PDE1C: variants seen among roughly 807,000 people sequenced by gnomAD.
PDE1C encodes the protein phosphodiesterase 1C.
A neutral mutation model predicts 93.1 loss-of-function variants in PDE1C; 62 were observed. The observed-to-expected ratio is 0.67, with a 90% CI of 0.54 to 0.82. The LOEUF is 0.82. PDE1C is among the 40% of genes least tolerant of loss of function. The pLI, the probability that PDE1C is intolerant of heterozygous loss-of-function variation, is 0.00. For missense variants in PDE1C, 742 were observed against 884.6 expected, an observed-to-expected ratio of 0.84 and a Z score of 2.04; for synonymous variants, 325 against 310.1, an observed-to-expected ratio of 1.05 and a Z score of -0.50.
At chr7:31,618,623 C>T in the PDE1C span, among the ~76,000 whole-genome samples, 1 of 152,116 alleles carries the variant, frequency 6.6e-6, no homozygotes, top group Non-Finnish European at 1.5e-5. Context: ...CATAAACTCC[C>T]CTCCATTAAT....
chr7:32,178,385 G>A (rs1803150546), intron 2 of PDE1C, among the ~76,000 whole-genome samples: 2 of 152,152 alleles, frequency 1.3e-5, no homozygotes, highest in South Asian at 4.1e-4. Flanking sequence ...CTCTCCAGGG[G>A]CACTGGAAAG....
At chr7:32,118,325 A>G (rs916247494) in intron 3 of PDE1C, among the ~76,000 whole-genome samples, 1 of 152,150 alleles carries the variant, frequency 6.6e-6, no homozygotes, top group African/African-American at 2.4e-5. Context: ...CTCTTTCTTT[A>G]CTGTTCAAGA....
Position 32,332,725 on chromosome 7 carries a change from C to T in PDE1C, c.310+95097G>A, listed in dbSNP as rs189218689. Reference sequence around the variant, plus strand: ...GAAATGAAAGTGAATAAACAAAATGCACTAGACAATAACATGGATGAATCT... The same window carrying T: ...GAAATGAAAGTGAATAAACAAAATGTACTAGACAATAACATGGATGAATCT... On this transcript the variant is annotated intron_variant, in intron 1 of 1. Transcript: ENST00000672256. 2.6e-5 allele frequency among the ~76,000 whole-genome samples: 4 copies of T among 152,210 alleles called. No homozygotes were observed. The East Asian group carries it at 7.7e-4, about 29-fold the overall frequency.
chr7:32,314,714 A>G (rs373759732), intron 1 of PDE1C, among the ~76,000 whole-genome samples: 8 of 152,094 alleles, frequency 5.3e-5, no homozygotes, highest in African/African-American at 1.9e-4. Context: ...TCTCAGTGGC[A>G]TCCTTGGCAA....
At chr7:32,247,818 A>T (rs1347414446) in intron 1 of PDE1C, among the ~76,000 whole-genome samples, 1 of 152,156 alleles carries the variant, frequency 6.6e-6, no homozygotes, top group East Asian at 1.9e-4. Context: ...GATATATTAA[A>T]TGCATTTTCA....
intron 2 of PDE1C, among the ~76,000 whole-genome samples, chr7:32,185,142 T>C (rs930109060): frequency 7.0e-6 from 1 of 142,576 alleles, no homozygotes; most frequent in Admixed American, 7.2e-5. Context: ...AAAAACAACT[T>C]CTTAATGCAG....
intron 2 of PDE1C, among the ~76,000 whole-genome samples, chr7:31,884,241 A>C (rs1408719083): frequency 6.6e-6 from 1 of 152,182 alleles, no homozygotes; most frequent in Non-Finnish European, 1.5e-5. Context: ...GCAGCAATAA[A>C]GACAGAAGAA....
At chr7:31,928,362 G>C (rs1195963598) in intron 2 of PDE1C, among the ~76,000 whole-genome samples, 1 of 152,138 alleles carries the variant, frequency 6.6e-6, no homozygotes, top group Non-Finnish European at 1.5e-5. Flanking sequence ...ACACACTTTA[G>C]GATGTTATCC....
At chr7:32,036,178 C>T (rs1016562555) in intron 2 of PDE1C, among the ~76,000 whole-genome samples, 4 of 152,118 alleles carry the variant, frequency 2.6e-5, no homozygotes, top group South Asian at 2.1e-4. Context: ...GAACCACATA[C>T]GCAAGAAACA....
At chr7:31,737,609 C>T in the PDE1C span, among the ~76,000 whole-genome samples, 1 of 151,976 alleles carries the variant, frequency 6.6e-6, no homozygotes, top group African/African-American at 2.4e-5. Flanking sequence ...CGAGACCAGC[C>T]TGGCAAACAT....
chr7:31,813,881 C>T (rs933004177), intron 15 of PDE1C, among the ~76,000 whole-genome samples: 2 of 152,084 alleles, frequency 1.3e-5, no homozygotes. Context: ...TAGCTTAGTT[C>T]CCACTTATGT....
At chr7:31,651,291 A>G in the PDE1C span, 2 of 1,609,790 alleles carry the variant, frequency 1.2e-6, no homozygotes, top group Non-Finnish European at 1.7e-6. Flanking sequence ...AGGGAGCCAT[A>G]AAAGTAAGTA....
At chr7:31,688,775 A>C in the PDE1C span, among the ~76,000 whole-genome samples, 1 of 152,232 alleles carries the variant, frequency 6.6e-6, no homozygotes, top group African/African-American at 2.4e-5. Context: ...ATCCTTTCTC[A>C]AACCCTGAAA....
chr7:31,857,064 T>C (rs1794114140), intron 7 of PDE1C, among the ~76,000 whole-genome samples: 1 of 152,140 alleles, frequency 6.6e-6, no homozygotes, highest in African/African-American at 2.4e-5. Flanking sequence ...CCATACAACT[T>C]TATTTTACCT....
chr7:32,327,888 C>T (rs1281172739), intron 1 of PDE1C, among the ~76,000 whole-genome samples: 5 of 151,634 alleles, frequency 3.3e-5, no homozygotes, highest in Non-Finnish European at 7.4e-5. Context: ...GACATAGTTC[C>T]GTTTTTCTCT....
At chr7:31,695,526 G>A in the PDE1C span, 40 of 1,613,318 alleles carry the variant, frequency 2.5e-5, no homozygotes, top group Admixed American at 6.3e-4. Flanking sequence ...CCTAGAAAGG[G>A]AAAAAATGTA....
intron 17 of PDE1C, among the ~76,000 whole-genome samples, chr7:31,773,716 G>A (rs1460823480): frequency 6.6e-6 from 1 of 152,042 alleles, no homozygotes; most frequent in Non-Finnish European, 1.5e-5. Context: ...AACTAAATGG[G>A]AGGCTGCTCA....
At chr7:32,338,341 G>A (rs1048267985) in intron 1 of PDE1C, among the ~76,000 whole-genome samples, 2 of 152,028 alleles carry the variant, frequency 1.3e-5, no homozygotes, top group Non-Finnish European at 2.9e-5. Context: ...AAATATACAA[G>A]ATATACAAAT....
At chr7:31,744,442 T>G in the PDE1C span, among the ~76,000 whole-genome samples, 295 of 152,256 alleles carry the variant, frequency 1.9e-3, 2 homozygotes, top group Non-Finnish European at 2.7e-3. Flanking sequence ...CCTTGAAGGA[T>G]TCCCTGAAAC....
Sources: allele counts gnomAD v4.1 joint callset (sites outside exome capture counted in the v4.1 genomes callset), GRCh38; gene constraint gnomAD v4.1.1; transcripts MANE v1.5; gene names NCBI Gene and HGNC (gene_info 2026-07-23, HGNC 2026-07-21).